Variants in AIMP2 observed in about 807,000 individuals in gnomAD.
The protein encoded by AIMP2 is aminoacyl tRNA synthase complex-interacting multifunctional protein 2.
In AIMP2, 20 loss-of-function variants were observed where a neutral mutation model predicts 23.4. The ratio of observed to expected loss-of-function variants is 0.85; its 90% confidence interval spans 0.60 to 1.24. The LOEUF is 1.24. AIMP2 is among the 50% of genes most tolerant of loss of function. The pLI is 0.00. For missense variants in AIMP2, 515 were observed against 414.5 expected (o/e 1.24, Z -2.10); for synonymous variants, 210 against 170.4 (o/e 1.23, Z -1.81).
chr7:6,015,263 G>T lies in AIMP2; in HGVS notation c.253G>T (p.Ala85Ser). The change falls in exon 2 of 4, where the codon GCA (alanine) becomes TCA (serine). Residue 85 changes from alanine (A) to serine (S), a missense_variant. Transcript: ENST00000223029. ...CTCCAAGATGATTCAAACACCAGATGCAGACTTGGATGTAACCAACATAAT... is the reference window on the plus strand; with the variant it reads ...CTCCAAGATGATTCAAACACCAGATTCAGACTTGGATGTAACCAACATAAT... ...GLSKMIQTPDADLDVTNIIQA... is the reference protein window; with the variant it reads ...GLSKMIQTPDSDLDVTNIIQA... The T allele has an allele frequency of 6.2e-7, 1 of 1,614,216 alleles. No homozygotes were observed. Among genetic ancestry groups the T allele is most frequent in the Admixed American group, 1.7e-5 (1 of 60,020 alleles).
At chr7:6,012,903 G>C (rs1583448833) in intron 1 of AIMP2, 2 of 989,284 alleles carry the variant, frequency 2.0e-6, no homozygotes, top group East Asian at 2.2e-4. Flanking sequence ...CCGGAAGTCA[G>C]TGGACTTCAC....
intron 1 of AIMP2, among the ~76,000 whole-genome samples, chr7:6,014,710 C>A (rs916663576): frequency 6.6e-6 from 1 of 151,670 alleles, no homozygotes; most frequent in Admixed American, 6.6e-5. Flanking sequence ...ATAATGTCTT[C>A]TTTTATTTTT....
At chr7:6,010,477 TCTCA>T (rs1361131241) in intron 1 of AIMP2, among the ~76,000 whole-genome samples, 6 of 151,556 alleles carry the variant, frequency 4.0e-5, no homozygotes, top group Admixed American at 6.6e-5. Context: ...TCAGATGGAG[TCTCA>T]CTCTATCACC....
At chr7:6,018,131 G>C in intron 3 of AIMP2, 86 bp downstream of exon 3, 2 of 991,666 alleles carry the variant, frequency 2.0e-6, no homozygotes, top group Non-Finnish European at 1.4e-6. Flanking sequence ...TTTACATGTG[G>C]ATTTTTTTCT....
intron 1 of AIMP2, chr7:6,012,871 G>A: frequency 1.0e-6 from 1 of 992,528 alleles, no homozygotes. Context: ...TAATTTAATT[G>A]GCATACTGAA....
chr7:6,023,267 T>C (rs376630532), intron 3 of AIMP2, 36 bp from the exon 4 acceptor site: 30 of 1,553,016 alleles, frequency 1.9e-5, no homozygotes, highest in Admixed American at 1.3e-4. Flanking sequence ...TCAGGGCTGC[T>C]CTGGTGATGC....
intron 1 of AIMP2, among the ~76,000 whole-genome samples, chr7:6,010,278 C>T (rs1786553628): frequency 1.3e-5 from 2 of 151,742 alleles, no homozygotes; most frequent in Non-Finnish European, 2.9e-5. Flanking sequence ...AAGCGAACCC[C>T]AGGGTCACCA....
chr7:6,022,251 TTTC>T (rs1248067673), intron 3 of AIMP2: 2 of 152,144 alleles, frequency 1.3e-5, no homozygotes, highest in Non-Finnish European at 2.9e-5. Context: ...TCCTTATTAT[TTTC>T]TTAACATTTT....
chr7:6,017,731 C>T, intron 2 of AIMP2, 83 bp from the exon 3 acceptor site: 1 of 1,271,092 alleles, frequency 7.9e-7, no homozygotes, highest in Non-Finnish European at 1.1e-6. Context: ...TTAGATAACC[C>T]TGGTTAGGTT....
At chr7:6,019,874 T>C (rs753432794) in intron 3 of AIMP2, among the ~76,000 whole-genome samples, 1 of 151,424 alleles carries the variant, frequency 6.6e-6, no homozygotes, top group Non-Finnish European at 1.5e-5. Context: ...ATACAAAAAT[T>C]AGCTGGGCGT....
Position 6,018,045 on chromosome 7 carries a change from G to T in AIMP2, c.574G>T (p.Val192Leu). 6.2e-7 allele frequency: 1 copy of T among 1,611,550 alleles called. No homozygotes were observed. The highest frequency in any genetic ancestry group is 8.5e-7 in the Non-Finnish European group (1 of 1,178,600). The stretch of plus-strand genomic sequence containing the variant: ...GGGATTCACTTTAATTTGGAAGAAT[G>T]GTAAGTAGACGGGACTGAGTTCAAC... ...QLGFTLIWKN[V>L]PKTQMKFSIQ... Residue 192 changes from valine (V) to leucine (L), a missense_variant and splice_region_variant, in exon 3 of 4, where the codon GTG (valine) becomes TTG (leucine). Val to Leu is a conservative substitution (Grantham distance 32). Coordinates refer to ENST00000223029, the MANE Select transcript of AIMP2 (RefSeq NM_006303.4).
intron 3 of AIMP2, among the ~76,000 whole-genome samples, chr7:6,021,855 C>A (rs949118169): frequency 6.6e-6 from 1 of 152,128 alleles, no homozygotes; most frequent in East Asian, 1.9e-4. Flanking sequence ...CTGCACACAA[C>A]TATTTTTAGA....
At chr7:6,013,509 T>C (rs1786830329) in intron 1 of AIMP2, among the ~76,000 whole-genome samples, 1 of 152,034 alleles carries the variant, frequency 6.6e-6, no homozygotes, top group South Asian at 2.1e-4. Flanking sequence ...GATCTGCCCC[T>C]CTCGGCCTCC....
Position 6,009,496 on chromosome 7 carries a change from C to T in AIMP2, c.133C>T (p.Gln45Ter), listed in dbSNP as rs533202651. The part of the protein sequence containing the change: ...YGPAPGAGHV[Q>*]EESNLSLQAL... ...CCCAGCGCCGGGCGCTGGCCACGTGCAGGTAGGAGCGCGGGGCCCCCCGCC... is the reference window on the plus strand; with the variant it reads ...CCCAGCGCCGGGCGCTGGCCACGTGTAGGTAGGAGCGCGGGGCCCCCCGCC... The change falls in exon 1 of 4, where the codon CAG (glutamine) becomes TAG (stop). Residue 45 changes from glutamine (Q) to a stop codon, truncating the protein, a stop_gained and splice_region_variant. Transcript: ENST00000223029. LOFTEE classifies it high-confidence loss of function. 2 of 1,531,796 alleles carry T rather than the reference C, an allele frequency of 1.3e-6. No homozygotes were observed. Among genetic ancestry groups the T allele is most frequent in the Admixed American group, 2.3e-5 (1 of 43,802 alleles). The allele number at this position is 1,531,796 out of a possible 1,614,324, so 94.9% of individuals were successfully genotyped here.
intron 1 of AIMP2, among the ~76,000 whole-genome samples, chr7:6,011,349 C>G (rs1238905524): frequency 1.3e-5 from 2 of 152,136 alleles, no homozygotes; most frequent in Non-Finnish European, 2.9e-5. Context: ...AGCGTGGTAT[C>G]CTAAGGTAGT....
rs756176778 is a variant in AIMP2, at chr7:6,023,271, G to A, written c.575-32G>A. 9 of 1,557,026 alleles carry A rather than the reference G, an allele frequency of 5.8e-6. No individual in the cohort carries two copies. The South Asian group carries it at 1.1e-4, about 19-fold the overall frequency. ...GAGTACTTCCCTCAGGGCTGCTCTG[G>A]TGATGCTACCTGGCGTGTTTTTTCT... On this transcript the variant is annotated intron_variant, in intron 3 of 3. Transcript: ENST00000223029.
Position 6,009,309 on chromosome 7 carries a change from G to A in AIMP2, c.-55G>A, listed in dbSNP as rs1169907762. 1.2e-6 allele frequency: 2 copies of A among 1,611,140 alleles called. No homozygotes were observed. The highest frequency in any genetic ancestry group is 8.5e-7 in the Non-Finnish European group (1 of 1,179,794). On this transcript the variant is annotated 5_prime_UTR_variant, in exon 1 of 4. Transcript: ENST00000223029. ...GCCGGTCTCCGTCGTGACCTCTGAC[G>A]GTTTCTGAGCGTTGGCCTTTGGCAC... is the stretch of plus-strand genomic sequence containing the variant.
Position 6,023,328 on chromosome 7 carries a change from C to T in AIMP2, c.600C>T (p.Ser200=), listed in dbSNP as rs1787580675. The stretch of plus-strand genomic sequence containing the variant: ...TGCCGAAGACGCAGATGAAATTCAG[C>T]ATCCAGACGATGTGCCCCATCGAAG... The part of the protein sequence containing the change: ...KNVPKTQMKF[S]IQTMCPIEGE... Residue 200 remains serine (S), a synonymous_variant, in exon 4 of 4, where the codon AGC becomes AGT. Coordinates refer to ENST00000223029, the MANE Select transcript of AIMP2 (RefSeq NM_006303.4). 6.2e-7 allele frequency: 1 copy of T among 1,603,456 alleles called. No homozygotes were observed. The highest frequency in any genetic ancestry group is 1.3e-5 in the African/African-American group (1 of 74,212).
In AIMP2 at chr7:6,015,198, T is replaced by C. The variant is rs1243444300; in HGVS notation, c.188T>C (p.Leu63Ser). ...QALESRQDDI[L>S]KRLYELKAAV... ...CTTGAGTCCCGCCAAGATGATATTT[T>C]AAAACGTCTGTATGAGTTGAAAGCT... The change falls in exon 2 of 4, where the codon TTA (leucine) becomes TCA (serine). Residue 63 changes from leucine to serine, a missense_variant. Physicochemically the swap from Leu to Ser is moderately radical, Grantham distance 145. Coordinates refer to ENST00000223029, the MANE Select transcript of AIMP2 (RefSeq NM_006303.4). 2 of 1,614,090 alleles carry C rather than the reference T, an allele frequency of 1.2e-6. No homozygotes were observed. The highest frequency in any genetic ancestry group is 1.7e-5 in the Admixed American group (1 of 59,990).
Sources: allele counts gnomAD v4.1 joint callset (sites outside exome capture counted in the v4.1 genomes callset), GRCh38; gene constraint gnomAD v4.1.1; transcripts MANE v1.5; gene names NCBI Gene and HGNC (gene_info 2026-07-23, HGNC 2026-07-21).